The following KDM3A variants were observed in gnomAD, a reference collection of about 807,000 sequenced individuals.
KDM3A encodes lysine demethylase 3A, also known as lysine-specific demethylase 3A.
Under a neutral mutation model 158.0 loss-of-function variants are expected in KDM3A, and 60 were observed. That is an observed-to-expected ratio of 0.38 (90% CI 0.31 to 0.47). KDM3A has a LOEUF of 0.47. KDM3A is among the 20% of genes least tolerant of loss of function. The pLI, the probability that KDM3A is intolerant of heterozygous loss-of-function variation, is 0.99. For missense variants in KDM3A, 1,319 were observed against 1,574.3 expected (o/e 0.84, Z 2.74); for synonymous variants, 608 against 549.3 (o/e 1.11, Z -1.49).
In KDM3A at chr2:86,478,628, A is replaced by G. The variant is rs769952911; in HGVS notation, c.2209A>G (p.Ile737Val). Residue 737 changes from isoleucine to valine, a missense_variant, in exon 15 of 26, where the codon ATT becomes GTT. Transcript: ENST00000312912. ...PGKALYDVGD[I>V]VHSVRAKWGI... ...TTTAGCACTCTATGATGTTGGAGAC[A>G]TTGTTCATTCTGTAAGAGCGAAATG... 1.9e-6 allele frequency: 3 copies of G among 1,614,006 alleles called. No homozygotes were observed. Among genetic ancestry groups the G allele is most frequent in the East Asian group, 2.2e-5 (1 of 44,886 alleles).
chr2:86,491,547 C>A, intron 25 of KDM3A: 1 of 439,052 alleles, frequency 2.3e-6, no homozygotes, highest in Non-Finnish European at 4.1e-6. Flanking sequence ...ATAGATGTGA[C>A]TTCTGATCTT....
chr2:86,460,806 G>A (rs1672893649), intron 8 of KDM3A: 1 of 152,180 alleles, frequency 6.6e-6, no homozygotes, highest in Non-Finnish European at 1.5e-5. Flanking sequence ...GACTGGTATA[G>A]AAGACCTTCA....
chr2:86,472,622 G>A (rs1274611654), intron 11 of KDM3A, among the ~76,000 whole-genome samples: 1 of 152,058 alleles, frequency 6.6e-6, no homozygotes, highest in Non-Finnish European at 1.5e-5. Context: ...GCGTGTGTTA[G>A]GTAACAGTGT....
At chr2:86,445,113 C>CTTTAAT (rs1257429924) in intron 2 of KDM3A, among the ~76,000 whole-genome samples, 1 of 152,110 alleles carries the variant, frequency 6.6e-6, no homozygotes, top group African/African-American at 2.4e-5. Flanking sequence ...AAACACTAGG[C>CTTTAAT]TTTAATATTC....
intron 3 of KDM3A, among the ~76,000 whole-genome samples, chr2:86,450,651 G>A (rs923848726): frequency 5.9e-5 from 9 of 152,182 alleles, no homozygotes; most frequent in African/African-American, 2.2e-4. Flanking sequence ...CGGGAGAATG[G>A]TTGAAGGCTG....
chr2:86,470,317 A>G lies in KDM3A; in HGVS notation c.1633A>G (p.Lys545Glu), dbSNP rs757166420. 1 of 1,614,138 alleles carries G rather than the reference A, an allele frequency of 6.2e-7. No individual in the cohort carries two copies. The highest frequency in any genetic ancestry group is 8.5e-7 in the Non-Finnish European group (1 of 1,180,008). Reference sequence around the variant, plus strand: ...TGTGAACATCGTGGCACAGTTGCCTAAATGCCGAGAGTGTCGCTTGGACAG... The same window carrying G: ...TGTGAACATCGTGGCACAGTTGCCTGAATGCCGAGAGTGTCGCTTGGACAG... ...SCVNIVAQLPKCRECRLDSLR... is the reference protein window; with the variant it reads ...SCVNIVAQLPECRECRLDSLR... The change falls in exon 11 of 26, where the codon AAA becomes GAA. Residue 545 changes from lysine to glutamate, a missense_variant. Around this residue, in one of 4 missense-constraint regions of KDM3A, gnomAD observed 113 missense variants for 190.5 expected, o/e 0.59. Coordinates refer to ENST00000312912, the MANE Select transcript of KDM3A (RefSeq NM_018433.6).
chr2:86,480,025 T>C, intron 15 of KDM3A, 142 bp from the exon 16 acceptor site: 1 of 649,888 alleles, frequency 1.5e-6, no homozygotes, highest in Middle Eastern at 4.2e-4. Context: ...ACTGCAGCTG[T>C]GGGGATACCC....
At chr2:86,441,895 C>A (rs896043584) in intron 1 of KDM3A, 123 bp from the exon 2 acceptor site, 9 of 616,474 alleles carry the variant, frequency 1.5e-5, no homozygotes, top group Admixed American at 1.2e-4. Flanking sequence ...GGGCTCGGTG[C>A]GGGTCCGCCC....
chr2:86,454,800 A>C (rs901596374), intron 4 of KDM3A, among the ~76,000 whole-genome samples: 5 of 152,160 alleles, frequency 3.3e-5, no homozygotes, highest in African/African-American at 1.2e-4. Context: ...TCCCATTGCC[A>C]AAGTTAGTCA....
chr2:86,491,457 C>CT (rs1674452172), intron 25 of KDM3A, 182 bp downstream of exon 25: 3 of 613,158 alleles, frequency 4.9e-6, no homozygotes, highest in Non-Finnish European at 8.5e-6. Context: ...AAGAGGAAAT[C>CT]TCACCTTGGT....
chr2:86,466,742 A>G lies in KDM3A; in HGVS notation c.1378A>G (p.Asn460Asp). 2 of 1,613,906 alleles carry G rather than the reference A, an allele frequency of 1.2e-6. No individual in the cohort carries two copies. The highest frequency in any genetic ancestry group is 1.7e-6 in the Non-Finnish European group (2 of 1,179,862). Residue 460 changes from asparagine to aspartate, a missense_variant, in exon 10 of 26, where the codon AAT (asparagine) becomes GAT (aspartate). Transcript: ENST00000312912. ...TGCACCAGAAGTGAAAGCAGGTGTC[A>G]ATAGTGATAGCCCTAATAACTGTTC... is the stretch of plus-strand genomic sequence containing the variant. The part of the protein sequence containing the change: ...SNAPEVKAGV[N>D]SDSPNNCSGK...
chr2:86,445,373 T>A (rs963021849), intron 2 of KDM3A, among the ~76,000 whole-genome samples: 1 of 152,240 alleles, frequency 6.6e-6, no homozygotes, highest in South Asian at 2.1e-4. Context: ...CTTATTTTTA[T>A]CCTGCTCTTT....
rs748068476 is a variant in KDM3A, at chr2:86,456,493, C to T, written c.608C>T (p.Ser203Phe). 53 of 1,589,430 alleles carry T rather than the reference C, an allele frequency of 3.3e-5. No homozygotes were observed. Among genetic ancestry groups the T allele is most frequent in the Non-Finnish European group, 4.5e-5 (52 of 1,167,420 alleles). The change falls in exon 6 of 26, where the codon TCT (serine) becomes TTT (phenylalanine). Residue 203 changes from serine (S) to phenylalanine (F), a missense_variant. By Grantham distance (155) the Ser-to-Phe change is radical. Transcript: ENST00000312912. Reference protein sequence around the residue: ...SEVKIYSLDPSTQWFSATVIN... With the variant: ...SEVKIYSLDPFTQWFSATVIN... ...GTAAAAATTTATAGCTTGGACCCAT[C>T]TACTCAGTGGTTTTCAGCAACCGTT... is the stretch of plus-strand genomic sequence containing the variant.
At chr2:86,448,583 G>A (rs541036211) in intron 2 of KDM3A, among the ~76,000 whole-genome samples, 1 of 152,286 alleles carries the variant, frequency 6.6e-6, no homozygotes, top group African/African-American at 2.4e-5. Context: ...CCTCTCTTGG[G>A]AGAGAGAGGC....
intron 16 of KDM3A, among the ~76,000 whole-genome samples, chr2:86,481,043 G>T (rs1340496866): frequency 1.3e-5 from 2 of 152,216 alleles, no homozygotes; most frequent in East Asian, 3.9e-4. Flanking sequence ...GTTTTTCAAG[G>T]TTTTTCCAGA....
chr2:86,457,065 C>T lies in KDM3A; in HGVS notation c.837C>T (p.Cys279=). The T allele has an allele frequency of 6.3e-7, 1 of 1,576,360 alleles. No homozygotes were observed. The highest frequency in any genetic ancestry group is 2.3e-5 in the East Asian group (1 of 44,306). The change falls in exon 8 of 26, where the codon TGC becomes TGT. Residue 279 remains cysteine, a synonymous_variant. Transcript: ENST00000312912. ...GTLVSKQAKS[C]SEASPSMCPV... ...TGGTTTCCAAACAAGCAAAATCTTG[C>T]TCTGAGGTAACCTTTATTTATGTCA...
At chr2:86,474,695 A>C in intron 11 of KDM3A, 81 bp from the exon 12 acceptor site, 1 of 665,554 alleles carries the variant, frequency 1.5e-6, no homozygotes, top group African/African-American at 2.7e-5. Flanking sequence ...ACAAGTTGTA[A>C]ATAAGTTGTG....
At position 86,470,334 on chromosome 2, in the gene KDM3A, C is replaced by T; in HGVS notation, c.1650C>T (p.Arg550=). 6.2e-7 allele frequency: 1 copy of T among 1,614,048 alleles called. No homozygotes were observed. The highest frequency in any genetic ancestry group is 8.5e-7 in the Non-Finnish European group (1 of 1,179,978). Residue 550 remains arginine (R), a synonymous_variant, in exon 11 of 26, where the codon CGC becomes CGT. Coordinates refer to ENST00000312912, the MANE Select transcript of KDM3A (RefSeq NM_018433.6). The stretch of plus-strand genomic sequence containing the variant: ...AGTTGCCTAAATGCCGAGAGTGTCG[C>T]TTGGACAGTCTCCGCAAGGATAAGG... ...VAQLPKCREC[R]LDSLRKDKEQ...
intron 12 of KDM3A, among the ~76,000 whole-genome samples, chr2:86,477,230 C>G (rs1673699784): frequency 6.6e-6 from 1 of 152,206 alleles, no homozygotes; most frequent in African/African-American, 2.4e-5. Flanking sequence ...TGAGTTAGTC[C>G]TGGGTGCCTG....
Sources: gnomAD v4.1 joint callset for allele counts (sites outside exome capture counted in the v4.1 genomes callset) on GRCh38, gnomAD v4.1.1 for gene constraint, gnomAD v4.1.1 regional missense constraint, MANE v1.5 for transcripts, NCBI Gene and HGNC (gene_info 2026-07-23, HGNC 2026-07-21) for gene names.